The following PDE1C variants were observed in gnomAD, a reference collection of about 807,000 sequenced individuals.
PDE1C encodes phosphodiesterase 1C.
PDE1C carries 62 observed loss-of-function variants against 93.1 expected under a neutral mutation model. The observed-to-expected ratio is 0.67, with a 90% CI of 0.54 to 0.82. The LOEUF is 0.82. Among genes scored for constraint, PDE1C ranks in the 40% least tolerant of loss-of-function variants. The pLI is 0.00. For synonymous variants in PDE1C, 325 were observed against 310.1 expected (o/e 1.05, Z -0.50); for missense variants, 742 against 884.6 (o/e 0.84, Z 2.04).
the PDE1C span, among the ~76,000 whole-genome samples, chr7:31,664,081 A>G: frequency 2.0e-5 from 3 of 152,192 alleles, no homozygotes; most frequent in African/African-American, 7.2e-5. Context: ...ACAACTAGAA[A>G]ACCAGGTATG....
chr7:31,973,360 A>C (rs1290440910), intron 2 of PDE1C, among the ~76,000 whole-genome samples: 1 of 152,218 alleles, frequency 6.6e-6, no homozygotes, highest in East Asian at 1.9e-4. Context: ...AGAAGCTACG[A>C]GAATACCAAG....
At chr7:32,207,844 C>CT (rs2128839426) in intron 2 of PDE1C, among the ~76,000 whole-genome samples, 1 of 152,212 alleles carries the variant, frequency 6.6e-6, no homozygotes, top group South Asian at 2.1e-4. Context: ...GACCGCCCTC[C>CT]CCCCAACCTT....
intron 1 of PDE1C, among the ~76,000 whole-genome samples, chr7:32,316,823 G>T (rs529055005): frequency 2.8e-4 from 42 of 152,324 alleles, no homozygotes; most frequent in Middle Eastern, 3.4e-3. Flanking sequence ...TTACCAAAAG[G>T]TACTTTTTTC....
intron 16 of PDE1C, among the ~76,000 whole-genome samples, chr7:31,799,013 C>T (rs568853782): frequency 2.6e-5 from 4 of 151,546 alleles, no homozygotes; most frequent in Non-Finnish European, 3.0e-5. Flanking sequence ...GAAAGAATAA[C>T]GTGAGTATGA....
At chr7:31,642,979 G>T in the PDE1C span, 2 of 1,614,026 alleles carry the variant, frequency 1.2e-6, no homozygotes, top group East Asian at 2.2e-5. Context: ...CCCAAGGAAA[G>T]ACAGCCATCT....
the PDE1C span, among the ~76,000 whole-genome samples, chr7:31,654,676 G>A: frequency 6.6e-6 from 1 of 152,152 alleles, no homozygotes; most frequent in Non-Finnish European, 1.5e-5. Context: ...GCACACAAAG[G>A]CCAGAGGCAC....
At chr7:31,622,996 A>C in the PDE1C span, among the ~76,000 whole-genome samples, 2 of 152,230 alleles carry the variant, frequency 1.3e-5, no homozygotes, top group African/African-American at 2.4e-5. Flanking sequence ...ATAAACTAGA[A>C]AGTCTAGAAG....
intron 2 of PDE1C, among the ~76,000 whole-genome samples, chr7:31,965,730 G>C (rs895343030): frequency 6.6e-6 from 1 of 152,240 alleles, no homozygotes; most frequent in South Asian, 2.1e-4. Flanking sequence ...TACCCACAAA[G>C]GGAAGCCCAT....
At position 32,006,264 on chromosome 7, in the gene PDE1C, G is replaced by T. The variant is rs370235866; in HGVS notation, c.128+45290C>A. Among the ~76,000 whole-genome samples the T allele has an allele frequency of 3.3e-5, 5 of 152,040 alleles. No homozygotes were observed. In the East Asian group the frequency reaches 5.8e-4, roughly 18 times the overall value. Reference sequence around the variant, plus strand: ...GTTTTTTTGGCATGTTAATTTGGTGGAGTAGTTTCACTTTATAGGAACAAT... The same window carrying T: ...GTTTTTTTGGCATGTTAATTTGGTGTAGTAGTTTCACTTTATAGGAACAAT... On this transcript the variant is annotated intron_variant, in intron 2 of 17. Transcript: ENST00000396191.
intron 2 of PDE1C, among the ~76,000 whole-genome samples, chr7:32,176,872 TACAA>T (rs893039399): frequency 6.6e-5 from 10 of 152,052 alleles, no homozygotes; most frequent in Non-Finnish European, 1.0e-4. Context: ...AGACAGAAAA[TACAA>T]ACAGACAGTA....
At chr7:31,945,384 C>A (rs1221885165) in intron 2 of PDE1C, among the ~76,000 whole-genome samples, 1 of 152,076 alleles carries the variant, frequency 6.6e-6, no homozygotes, top group Non-Finnish European at 1.5e-5. Flanking sequence ...GTTCTCCTGG[C>A]TTTTAACATC....
intron 2 of PDE1C, among the ~76,000 whole-genome samples, chr7:31,885,678 G>A (rs914903441): frequency 6.6e-6 from 1 of 152,188 alleles, no homozygotes; most frequent in Non-Finnish European, 1.5e-5. Context: ...AATTTAAAAG[G>A]ATGTTAGGGA....
the PDE1C span, among the ~76,000 whole-genome samples, chr7:31,713,834 G>A: frequency 2.0e-5 from 3 of 152,174 alleles, no homozygotes; most frequent in African/African-American, 7.2e-5. Flanking sequence ...CATGGCTGGA[G>A]AGGCTGGGAT....
At chr7:31,888,208 C>G (rs1225590005) in intron 2 of PDE1C, among the ~76,000 whole-genome samples, 1 of 137,720 alleles carries the variant, frequency 7.3e-6, no homozygotes, top group Non-Finnish European at 1.5e-5. Context: ...CGAGATTGTG[C>G]CACTGCACTC....
chr7:31,906,101 C>T (rs59230226), intron 2 of PDE1C, among the ~76,000 whole-genome samples: 7,988 of 152,202 alleles, frequency 0.052, 322 homozygotes, highest in African/African-American at 0.11. Context: ...TCTTTATTAG[C>T]AGCATGAGAA....
At chr7:32,112,961 G>A (rs32291) in intron 3 of PDE1C, among the ~76,000 whole-genome samples, 101,816 of 147,392 alleles carry the variant, frequency 0.69, 35,906 homozygotes, top group Middle Eastern at 0.82. Context: ...TCCCCTAAGA[G>A]TAGCAGTATT....
chr7:32,310,510 C>T (rs1782997516), intron 1 of PDE1C, among the ~76,000 whole-genome samples: 1 of 152,150 alleles, frequency 6.6e-6, no homozygotes. Context: ...AAGTAAAGCT[C>T]TCCTCAGCAA....
intron 2 of PDE1C, among the ~76,000 whole-genome samples, chr7:32,009,627 A>T (rs537945399): frequency 1.3e-5 from 2 of 152,370 alleles, no homozygotes; most frequent in East Asian, 3.9e-4. Flanking sequence ...ATCAGCAATG[A>T]GACAAGGATG....
chr7:32,324,200 T>A (rs997564811), intron 1 of PDE1C, among the ~76,000 whole-genome samples: 1 of 152,258 alleles, frequency 6.6e-6, no homozygotes, highest in African/African-American at 2.4e-5. Flanking sequence ...ATAGTGGCTC[T>A]CATGCTATTA....
Sources: gnomAD v4.1 joint callset for allele counts (sites outside exome capture counted in the v4.1 genomes callset) on GRCh38, gnomAD v4.1.1 for gene constraint, MANE v1.5 for transcripts, NCBI Gene and HGNC (gene_info 2026-07-23, HGNC 2026-07-21) for gene names.